Variants in CSGALNACT1 observed in about 807,000 individuals in gnomAD.
CSGALNACT1 encodes beta4GalNAcT-1.
Under a neutral mutation model 51.0 loss-of-function variants are expected in CSGALNACT1, and 52 were observed. The ratio of observed to expected loss-of-function variants is 1.02; its 90% CI spans 0.82 to 1.29. CSGALNACT1 has a LOEUF of 1.29. Ranked by LOEUF, CSGALNACT1 falls within the 50% of genes most tolerant of loss-of-function variation. The pLI is 0.00. For synonymous variants in CSGALNACT1, 341 were observed against 254.4 expected (o/e 1.34, Z -3.24); for missense variants, 935 against 679.2 (o/e 1.38, Z -4.19).
chr8:19,674,548 G>A (rs2060030397), intron 1 of CSGALNACT1, among the ~76,000 whole-genome samples: 1 of 152,274 alleles, frequency 6.6e-6, no homozygotes, highest in South Asian at 2.1e-4. Context: ...GTGGGAAAAG[G>A]CAGGAATGGG....
chr8:19,432,807 T>G (rs117511038), intron 6 of CSGALNACT1, among the ~76,000 whole-genome samples: 1 of 152,192 alleles, frequency 6.6e-6, no homozygotes, highest in Non-Finnish European at 1.5e-5. Flanking sequence ...CTTGTTGATA[T>G]TCTGTATTTA....
chr8:19,602,792 G>A (rs1011951802), upstream of CSGALNACT1: 2 of 152,076 alleles, frequency 1.3e-5, no homozygotes, highest in African/African-American at 2.4e-5. Flanking sequence ...ACTCTGGAAT[G>A]AAGGGCAAGG....
At chr8:19,727,099 G>A (rs1001646106) in intron 1 of CSGALNACT1, among the ~76,000 whole-genome samples, 2 of 152,128 alleles carry the variant, frequency 1.3e-5, no homozygotes, top group African/African-American at 4.8e-5. Flanking sequence ...TCCTGGGGCT[G>A]AGGGAAGGCA....
chr8:19,666,379 C>T (rs1282406696), intron 1 of CSGALNACT1, among the ~76,000 whole-genome samples: 2 of 152,162 alleles, frequency 1.3e-5, no homozygotes, highest in African/African-American at 4.8e-5. Context: ...TTCTATTTAG[C>T]TACTTCACCC....
chr8:19,569,259 G>T (rs144291003), intron 3 of CSGALNACT1, among the ~76,000 whole-genome samples: 1 of 152,176 alleles, frequency 6.6e-6, no homozygotes, highest in Non-Finnish European at 1.5e-5. Flanking sequence ...ACTATTTAGG[G>T]TGGGGACTGG....
chr8:19,609,996 G>A lies in CSGALNACT1; in HGVS notation c.-543-8131C>T, dbSNP rs1203294947. ...AGCAGTTTGGGAGGCCGAGGTGGGTGGATCACGAGGTCAGGAGTTCAAGAC... is the reference window on the plus strand; with the variant it reads ...AGCAGTTTGGGAGGCCGAGGTGGGTAGATCACGAGGTCAGGAGTTCAAGAC... On this transcript the variant is annotated intron_variant, in intron 1 of 9. Transcript: ENST00000332246. Among the ~76,000 whole-genome samples, 2 of 152,026 alleles carry A rather than the reference G, an allele frequency of 1.3e-5. 1 individual carries two copies. Among genetic ancestry groups the A allele is most frequent in the East Asian group, 3.9e-4 (2 of 5,162 alleles).
intron 1 of CSGALNACT1, among the ~76,000 whole-genome samples, chr8:19,720,415 A>G (rs1216689053): frequency 1.3e-5 from 2 of 152,222 alleles, no homozygotes; most frequent in Non-Finnish European, 2.9e-5. Context: ...GGGGTGCTCA[A>G]AAGAGTTCAG....
chr8:19,644,960 C>T (rs1339477369), intron 1 of CSGALNACT1, among the ~76,000 whole-genome samples: 1 of 152,058 alleles, frequency 6.6e-6, no homozygotes, highest in Non-Finnish European at 1.5e-5. Flanking sequence ...ATAGCAGGAG[C>T]CTCTGTCTGG....
intron 1 of CSGALNACT1, among the ~76,000 whole-genome samples, chr8:19,626,596 A>C (rs916492544): frequency 6.6e-6 from 1 of 152,202 alleles, no homozygotes; most frequent in African/African-American, 2.4e-5. Context: ...ATTCATTATA[A>C]ATTTGTTTTC....
chr8:19,477,924 G>T (rs117797432), intron 4 of CSGALNACT1, among the ~76,000 whole-genome samples: 7 of 152,156 alleles, frequency 4.6e-5, no homozygotes, highest in Non-Finnish European at 8.8e-5. Context: ...GAAGCCATGC[G>T]CCAGTTAGAC....
At chr8:19,670,166 T>G (rs758159422) in intron 1 of CSGALNACT1, among the ~76,000 whole-genome samples, 2 of 152,212 alleles carry the variant, frequency 1.3e-5, no homozygotes, top group Non-Finnish European at 2.9e-5. Flanking sequence ...CTACTCATCC[T>G]GGGCACTGTT....
At chr8:19,468,360 G>C (rs188234859) in intron 4 of CSGALNACT1, among the ~76,000 whole-genome samples, 1 of 152,326 alleles carries the variant, frequency 6.6e-6, no homozygotes. Flanking sequence ...GGGGATGGGA[G>C]AATGCTGGAA....
At chr8:19,730,371 A>C (rs538202099) in intron 1 of CSGALNACT1, among the ~76,000 whole-genome samples, 2 of 152,208 alleles carry the variant, frequency 1.3e-5, no homozygotes, top group African/African-American at 4.8e-5. Flanking sequence ...TGCACACTGC[A>C]GGACTCCTAG....
intron 4 of CSGALNACT1, among the ~76,000 whole-genome samples, chr8:19,467,596 C>T (rs1032285816): frequency 5.3e-5 from 8 of 151,018 alleles, no homozygotes; most frequent in East Asian, 3.9e-4. Context: ...CTGCCAGCCT[C>T]GCGGAGTTCA....
At chr8:19,748,329 A>C (rs908978532) in intron 1 of CSGALNACT1, among the ~76,000 whole-genome samples, 3 of 152,246 alleles carry the variant, frequency 2.0e-5, no homozygotes, top group African/African-American at 4.8e-5. Context: ...ATTAGTTTCC[A>C]AACCCAAGCA....
chr8:19,657,059 T>A (rs1247402661), intron 1 of CSGALNACT1, among the ~76,000 whole-genome samples: 1 of 113,454 alleles, frequency 8.8e-6, no homozygotes. Context: ...TAAGACTCCA[T>A]CTCATTAAAA....
intron 1 of CSGALNACT1, among the ~76,000 whole-genome samples, chr8:19,623,212 A>C (rs547789819): frequency 1.4e-4 from 21 of 152,370 alleles, no homozygotes; most frequent in Middle Eastern, 3.4e-3. Context: ...TCAGATTGAT[A>C]TAGCAATTCT....
At chr8:19,446,977 C>T (rs756547065) in intron 5 of CSGALNACT1, among the ~76,000 whole-genome samples, 8 of 152,168 alleles carry the variant, frequency 5.3e-5, no homozygotes, top group Non-Finnish European at 1.2e-4. Flanking sequence ...GATGTATTTC[C>T]TATCACAAAA....
intron 6 of CSGALNACT1, among the ~76,000 whole-genome samples, chr8:19,432,970 T>C (rs1282167802): frequency 1.3e-5 from 2 of 152,172 alleles, no homozygotes; most frequent in African/African-American, 4.8e-5. Context: ...TTTTTTCTCG[T>C]GCATGAGCCT....
Sources: allele counts gnomAD v4.1 joint callset (sites outside exome capture counted in the v4.1 genomes callset), GRCh38; gene constraint gnomAD v4.1.1; transcripts MANE v1.5; gene names NCBI Gene and HGNC (gene_info 2026-07-23, HGNC 2026-07-21).